CACNG8: variants seen among roughly 807,000 people sequenced by gnomAD.
CACNG8 encodes the protein voltage-dependent calcium channel gamma-8 subunit.
CACNG8 carries 5 observed loss-of-function variants against 26.9 expected under a neutral mutation model. That is an observed-to-expected ratio of 0.19 (90% CI 0.10 to 0.39). CACNG8 has a LOEUF of 0.39. CACNG8 is among the 10% of genes least tolerant of loss of function. The pLI, the probability that CACNG8 is intolerant of heterozygous loss-of-function variation, is 1.00. For missense variants in CACNG8, 473 were observed against 609.4 expected (o/e 0.78, Z 2.36); for synonymous variants, 321 against 296.7 (o/e 1.08, Z -0.84).
chr19:53,976,676 T>C (rs2069331895), intron 1 of CACNG8, among the ~76,000 whole-genome samples: 1 of 125,772 alleles, frequency 8.0e-6, no homozygotes, highest in African/African-American at 3.4e-5. Context: ...TCTCTCTCTC[T>C]TTTTTTTTTC....
chr19:53,990,092 G>A lies in CACNG8; in HGVS notation c.*7243G>A, dbSNP rs1042219715. 3 of 152,520 alleles carry A rather than the reference G, an allele frequency of 2.0e-5. No homozygotes were observed. Among genetic ancestry groups the A allele is most frequent in the African/African-American group, 7.2e-5 (3 of 41,430 alleles). 9.4% of individuals were successfully genotyped at this position (152,520 alleles called of 1,614,324 possible). A position where few individuals can be genotyped will look rare whatever the true frequency, so the allele number is the denominator to read the frequency against. ...AGAAGGGCTGAGGGGTAGGGGGTGAGGGGTTGAAGATCAGGCCCTGCCGCC... is the reference window on the plus strand; with the variant it reads ...AGAAGGGCTGAGGGGTAGGGGGTGAAGGGTTGAAGATCAGGCCCTGCCGCC... On this transcript the variant is annotated 3_prime_UTR_variant, in exon 4 of 4. Coordinates refer to ENST00000270458, the MANE Select transcript of CACNG8 (RefSeq NM_031895.6).
At position 53,983,095 on chromosome 19, in the gene CACNG8, G is replaced by A. The variant is rs1411948959; in HGVS notation, c.*246G>A. On this transcript the variant is annotated 3_prime_UTR_variant, in exon 4 of 4. Coordinates refer to ENST00000270458, the MANE Select transcript of CACNG8 (RefSeq NM_031895.6). The stretch of plus-strand genomic sequence containing the variant: ...GTTTTATTTTTTTGGGGGATCTATG[G>A]GGAGGGGGGAGGGCCATGGTGTTTT... 6.8e-5 allele frequency: 13 copies of A among 190,958 alleles called. No homozygotes were observed. The East Asian group carries it at 1.3e-3, about 20-fold the overall frequency. The allele number at this position is 190,958 out of a possible 1,614,324, so 11.8% of individuals were successfully genotyped here.
At chr19:53,981,971 C>T in intron 3 of CACNG8, 109 bp from the exon 4 acceptor site, 1 of 1,206,900 alleles carries the variant, frequency 8.3e-7, no homozygotes, top group Non-Finnish European at 1.1e-6. Context: ...CCTAGACCGC[C>T]TGGGGGTGGC....
At chr19:53,971,306 A>G (rs1332842117) in intron 1 of CACNG8, among the ~76,000 whole-genome samples, 1 of 149,768 alleles carries the variant, frequency 6.7e-6, no homozygotes, top group Non-Finnish European at 1.5e-5. Flanking sequence ...AAAAAAAAAG[A>G]AAATTAAAAT....
In CACNG8 at chr19:53,982,608, G is replaced by C. The variant is rs1420326442; in HGVS notation, c.1037G>C (p.Gly346Ala). The change falls in exon 4 of 4, where the codon GGC becomes GCC. Residue 346 changes from glycine to alanine, a missense_variant. Around this residue, in one of 6 missense-constraint regions of CACNG8, gnomAD observed 212 missense variants for 214.4 expected, o/e 0.99. Coordinates refer to ENST00000270458, the MANE Select transcript of CACNG8 (RefSeq NM_031895.6). The surrounding 1 kb of genome is among the most constrained non-coding windows in gnomAD (Gnocchi z 8.4). ...GGCGCGGCCGGGGGCGCCGGGGGCG[G>C]CGGCGGAGGCGGCGGCGGGGCGGGT... is the stretch of plus-strand genomic sequence containing the variant. 1.0e-6 allele frequency: 1 copy of C among 975,876 alleles called. No homozygotes were observed. The highest frequency in any genetic ancestry group is 1.8e-5 in the African/African-American group (1 of 56,336). 60.5% of individuals were successfully genotyped at this position (975,876 alleles called of 1,614,324 possible).
intron 1 of CACNG8, among the ~76,000 whole-genome samples, chr19:53,963,971 T>G (rs956803418): frequency 2.0e-5 from 3 of 151,906 alleles, no homozygotes; most frequent in Non-Finnish European, 1.5e-5. Context: ...CCAGCTAATT[T>G]TTTTTATTAT....
In CACNG8 at chr19:53,963,365, GAGA is replaced by G. The variant is rs2069254171; in HGVS notation, c.229_231del (p.Lys77del). Reference sequence around the variant, plus strand: ...CCACCGCGGGGGCGGCGGCGCCTCGGAGAAGAAGGACCCCGGCGGCCTCACGCA... The same window carrying G: ...CCACCGCGGGGGCGGCGGCGCCTCGGAGAAGGACCCCGGCGGCCTCACGCA... On this transcript the variant is annotated inframe_deletion, in exon 1 of 4. Transcript: ENST00000270458. 6.9e-6 allele frequency: 11 copies of G among 1,589,402 alleles called. No homozygotes were observed. Among genetic ancestry groups the G allele is most frequent in the South Asian group, 1.1e-5 (1 of 89,950 alleles).
At chr19:53,971,592 C>G (rs143617158) in intron 1 of CACNG8, among the ~76,000 whole-genome samples, 1 of 152,204 alleles carries the variant, frequency 6.6e-6, no homozygotes, top group African/African-American at 2.4e-5. Context: ...AGCCACACCC[C>G]GAGGTCTTCT....
chr19:53,978,446 G>T (rs2069343506), intron 2 of CACNG8, among the ~76,000 whole-genome samples: 1 of 152,148 alleles, frequency 6.6e-6, no homozygotes, highest in African/African-American at 2.4e-5. Context: ...CTTGGGGCGG[G>T]CTGAGGGAGG....
At chr19:53,963,706 T>A (rs920125079) in intron 1 of CACNG8, among the ~76,000 whole-genome samples, 2 of 151,824 alleles carry the variant, frequency 1.3e-5, no homozygotes, top group African/African-American at 4.8e-5. Context: ...CTAGTCCGTG[T>A]CTCCTGCGCT....
intron 3 of CACNG8, 78 bp downstream of exon 3, chr19:53,980,085 T>TAC (rs1568801708): frequency 1.8e-5 from 18 of 1,011,484 alleles, no homozygotes; most frequent in Non-Finnish European, 2.2e-5. Context: ...TGTGTGTGTG[T>TAC]GCGCGCGCGC....
rs757374297 is a variant in CACNG8, at chr19:53,963,303, C to G, written c.161C>G (p.Thr54Ser). The change falls in exon 1 of 4, where the codon ACC becomes AGC. Residue 54 changes from threonine (T) to serine (S), a missense_variant. Physicochemically the swap from Thr to Ser is moderately conservative, Grantham distance 58. Transcript: ENST00000270458. ...TACACGCGCGCCCTCATCTGCAACA[C>G]CACCAACCTCACGGCCGGCGGCGAC... is the stretch of plus-strand genomic sequence containing the variant. The G allele has an allele frequency of 1.1e-5, 17 of 1,607,732 alleles. No homozygotes were observed. Among genetic ancestry groups the G allele is most frequent in the Non-Finnish European group, 1.4e-5 (16 of 1,179,048 alleles).
intron 1 of CACNG8, among the ~76,000 whole-genome samples, chr19:53,970,032 G>A (rs1221937184): frequency 6.7e-6 from 1 of 150,290 alleles, no homozygotes; most frequent in Non-Finnish European, 1.5e-5. Context: ...TAATCAGGAG[G>A]CTGGCAGGGC....
Position 53,985,561 on chromosome 19 carries a change from A to G in CACNG8, c.*2712A>G, listed in dbSNP as rs2069402114. ...TGCCGGAGCGGGTGTTAAAAGAGAC[A>G]AATCTGGCCGGGTGCTGTGGCTCCT... On this transcript the variant is annotated 3_prime_UTR_variant, in exon 4 of 4. Coordinates refer to ENST00000270458, the MANE Select transcript of CACNG8 (RefSeq NM_031895.6). The G allele has an allele frequency of 6.6e-6, 1 of 152,088 alleles. No individual in the cohort carries two copies. The highest frequency in any genetic ancestry group is 1.5e-5 in the Non-Finnish European group (1 of 68,026). The allele number at this position is 152,088 out of a possible 1,614,324, so 9.4% of individuals were successfully genotyped here.
Position 53,982,848 on chromosome 19 carries a change from A to G in CACNG8, c.1277A>G (p.Ter426TrpextTer145). The change falls in exon 4 of 4, where the codon TAG (stop) becomes TGG (tryptophan). Residue 426 changes from the stop codon to tryptophan, a stop_lost. Transcript: ENST00000270458. This position sits in a 1 kb window ranked among gnomAD's most constrained non-coding sequence, Gnocchi z 8.4. ...CTCAACAGGAAAACCACGCCTGTGTAGGGGCGCGGCGGGGGAGCCGAGGGG... is the reference window on the plus strand; with the variant it reads ...CTCAACAGGAAAACCACGCCTGTGTGGGGGCGCGGCGGGGGAGCCGAGGGG... 1 of 1,311,830 alleles carries G rather than the reference A, an allele frequency of 7.6e-7. No homozygotes were observed. 81.3% of individuals were successfully genotyped at this position (1,311,830 alleles called of 1,614,324 possible). A position where few individuals can be genotyped will look rare whatever the true frequency, so the allele number is the denominator to read the frequency against.
Position 53,975,344 on chromosome 19 carries a change from G to C in CACNG8, c.284-2802G>C, listed in dbSNP as rs191962762. ...TTTCCCCAATGATTAGTGAAATTGA[G>C]CATCTTTTCATGTGCTTGTGGACCC... is the stretch of plus-strand genomic sequence containing the variant. On this transcript the variant is annotated intron_variant, in intron 1 of 3. Coordinates refer to ENST00000270458, the MANE Select transcript of CACNG8 (RefSeq NM_031895.6). Among the ~76,000 whole-genome samples the C allele has an allele frequency of 3.9e-5, 6 of 152,090 alleles. No individual in the cohort carries two copies. The East Asian group carries it at 1.2e-3, about 30-fold the overall frequency.
At chr19:53,969,164 C>T (rs1324485041) in intron 1 of CACNG8, among the ~76,000 whole-genome samples, 2 of 152,026 alleles carry the variant, frequency 1.3e-5, no homozygotes, top group South Asian at 2.1e-4. Flanking sequence ...CCACCACACC[C>T]GGCTAATTTT....
At position 53,983,560 on chromosome 19, in the gene CACNG8, C is replaced by T. The variant is rs1340140794; in HGVS notation, c.*711C>T. The T allele has an allele frequency of 6.6e-6, 1 of 152,174 alleles. No individual in the cohort carries two copies. The highest frequency in any genetic ancestry group is 1.5e-5 in the Non-Finnish European group (1 of 68,056). 9.4% of individuals were successfully genotyped at this position (152,174 alleles called of 1,614,324 possible). A position where few individuals can be genotyped will look rare whatever the true frequency, so the allele number is the denominator to read the frequency against. On this transcript the variant is annotated 3_prime_UTR_variant, in exon 4 of 4. Coordinates refer to ENST00000270458, the MANE Select transcript of CACNG8 (RefSeq NM_031895.6). The stretch of plus-strand genomic sequence containing the variant: ...CAGGAGGCAGGAAAACAGCCAGGGG[C>T]CCCGACGTCTCATAGAGTAAACATC...
rs1372400096 is a variant in CACNG8, at chr19:53,982,470, C to T, written c.899C>T (p.Ala300Val). The stretch of plus-strand genomic sequence containing the variant: ...GGCGGCCCCGGGGGCCCGGGCTTTG[C>T]CTCCACGGACATCTCCATGTACACG... Residue 300 changes from alanine to valine, a missense_variant, in exon 4 of 4, where the codon GCC becomes GTC. Ala to Val is a moderately conservative substitution (Grantham distance 64). Coordinates refer to ENST00000270458, the MANE Select transcript of CACNG8 (RefSeq NM_031895.6). The surrounding 1 kb of genome is among the most constrained non-coding windows in gnomAD (Gnocchi z 8.4). The T allele has an allele frequency of 4.0e-6, 6 of 1,514,332 alleles. No homozygotes were observed. The South Asian group carries it at 6.1e-5, about 15-fold the overall frequency. 93.8% of individuals were successfully genotyped at this position (1,514,332 alleles called of 1,614,324 possible).
Sources: allele counts gnomAD v4.1 joint callset (sites outside exome capture counted in the v4.1 genomes callset), GRCh38; gene constraint gnomAD v4.1.1; regional missense constraint gnomAD v4.1.1; non-coding constraint Gnocchi (gnomAD v3.1); transcripts MANE v1.5; gene names NCBI Gene and HGNC (gene_info 2026-07-23, HGNC 2026-07-21).